Variants in EML5 observed in about 807,000 individuals in gnomAD.
EML5 encodes the protein EMAP like 5.
Under a neutral mutation model 250.0 loss-of-function variants are expected in EML5, and 120 were observed. That is an observed-to-expected ratio of 0.48 (90% CI 0.41 to 0.56). EML5 has a LOEUF of 0.56. Among genes scored for constraint, EML5 ranks in the 20% least tolerant of loss-of-function variants. The probability of loss-of-function intolerance (pLI) is 0.00; values close to 1 mark genes in which losing one functional copy is unlikely to be tolerated. For synonymous variants in EML5, 771 were observed against 806.5 expected (o/e 0.96, Z 0.75); for missense variants, 2,006 against 2,437.6 (o/e 0.82, Z 3.73).
intron 33 of EML5, among the ~76,000 whole-genome samples, chr14:88,630,960 T>G (rs1010548941): frequency 3.3e-5 from 5 of 152,188 alleles, no homozygotes; most frequent in African/African-American, 7.2e-5. Context: ...CTACCCTCCC[T>G]CTTCATTCTT....
intron 8 of EML5, among the ~76,000 whole-genome samples, chr14:88,723,806 T>A (rs2093625846): frequency 6.6e-6 from 1 of 152,234 alleles, no homozygotes; most frequent in Admixed American, 6.5e-5. Context: ...AAAATAATTT[T>A]AAAATTGTTA....
Position 88,618,737 on chromosome 14 carries a change from G to T in EML5, c.5451C>A (p.Gly1817=). The T allele has an allele frequency of 6.2e-7, 1 of 1,607,504 alleles. No homozygotes were observed. Among genetic ancestry groups the T allele is most frequent in the Non-Finnish European group, 8.5e-7 (1 of 1,176,586 alleles). ...AGTAGCTGATTCTGTTAAGAGTGGG[G>T]CCCAGCGTTAGGTCATAAAAATCCA... ...NSVDFYDLTL[G]PTLNRISYCK... The change falls in exon 40 of 44, where the codon GGC becomes GGA. Residue 1817 remains glycine (G), a synonymous_variant. Transcript: ENST00000554922.
At chr14:88,659,078 T>C (rs953598230) in intron 25 of EML5, among the ~76,000 whole-genome samples, 2 of 152,158 alleles carry the variant, frequency 1.3e-5, no homozygotes, top group Non-Finnish European at 2.9e-5. Context: ...GTTTAAGTTA[T>C]TGTTATTATG....
At chr14:88,676,235 G>T (rs2092590752) in intron 21 of EML5, among the ~76,000 whole-genome samples, 1 of 152,208 alleles carries the variant, frequency 6.6e-6, no homozygotes, top group South Asian at 2.1e-4. Flanking sequence ...AAATACCTGA[G>T]ACTAAGCAAT....
At chr14:88,655,007 T>C (rs550737477) in intron 27 of EML5, among the ~76,000 whole-genome samples, 2 of 152,286 alleles carry the variant, frequency 1.3e-5, no homozygotes, top group East Asian at 3.9e-4. Flanking sequence ...TCTTGTTGCA[T>C]TGATCCCTTT....
At chr14:88,669,808 G>A (rs1299548371) in intron 21 of EML5, among the ~76,000 whole-genome samples, 1 of 152,168 alleles carries the variant, frequency 6.6e-6, no homozygotes, top group African/African-American at 2.4e-5. Flanking sequence ...CCCCAACAGG[G>A]GTTGCTAGAC....
intron 14 of EML5, among the ~76,000 whole-genome samples, chr14:88,700,384 GT>G (rs952884132): frequency 2.0e-5 from 3 of 150,180 alleles, no homozygotes; most frequent in South Asian, 2.1e-4. Flanking sequence ...ACAATTATTT[GT>G]TTTTTTTTCT....
intron 32 of EML5, 88 bp from the exon 33 acceptor site, chr14:88,634,577 T>G (rs937461794): frequency 1.3e-6 from 1 of 741,362 alleles, no homozygotes; most frequent in South Asian, 2.9e-5. Flanking sequence ...ATTTAAACTA[T>G]TATATACAAA....
At chr14:88,758,016 CTAAT>C (rs1464659071) in intron 1 of EML5, among the ~76,000 whole-genome samples, 1 of 138,994 alleles carries the variant, frequency 7.2e-6, no homozygotes, top group East Asian at 2.2e-4. Context: ...CCACACCTGT[CTAAT>C]TTTTTTTTTT....
chr14:88,683,323 C>CT (rs2092756934), intron 20 of EML5, among the ~76,000 whole-genome samples: 1 of 152,148 alleles, frequency 6.6e-6, no homozygotes, highest in Non-Finnish European at 1.5e-5. Flanking sequence ...GGAAGTATCC[C>CT]TTTAAAGGAG....
chr14:88,618,432 G>A, intron 40 of EML5, 101 bp from the exon 41 acceptor site: 1 of 1,152,058 alleles, frequency 8.7e-7, no homozygotes, highest in East Asian at 2.5e-5. Flanking sequence ...TGATTTACAT[G>A]TCTAACATTA....
chr14:88,726,434 G>A, intron 8 of EML5, 107 bp downstream of exon 8: 1 of 830,068 alleles, frequency 1.2e-6, no homozygotes, highest in Non-Finnish European at 1.7e-6. Flanking sequence ...AGGATAAATA[G>A]GTAAAAACAA....
At chr14:88,760,862 T>C (rs756929625) in intron 1 of EML5, among the ~76,000 whole-genome samples, 39 of 152,194 alleles carry the variant, frequency 2.6e-4, no homozygotes, top group Non-Finnish European at 4.3e-4. Context: ...GTATATAACA[T>C]AGACCTTGCA....
chr14:88,784,333 C>G (rs1256102298), intron 1 of EML5, among the ~76,000 whole-genome samples: 2 of 146,512 alleles, frequency 1.4e-5, no homozygotes, highest in African/African-American at 2.5e-5. Flanking sequence ...AAAACCAATA[C>G]AAAATTTCAA....
chr14:88,749,854 AG>A (rs1159381140), intron 2 of EML5, among the ~76,000 whole-genome samples: 2 of 152,318 alleles, frequency 1.3e-5, no homozygotes, highest in African/African-American at 4.8e-5. Flanking sequence ...AGTAACTGAA[AG>A]GTCACAGAAG....
At chr14:88,770,516 G>A (rs1042562360) in intron 1 of EML5, among the ~76,000 whole-genome samples, 5 of 152,046 alleles carry the variant, frequency 3.3e-5, no homozygotes, top group African/African-American at 7.2e-5. Context: ...AGATAAGAAC[G>A]TTTCTGAAAC....
At chr14:88,784,392 C>A (rs1428667593) in intron 1 of EML5, among the ~76,000 whole-genome samples, 6 of 149,572 alleles carry the variant, frequency 4.0e-5, no homozygotes, top group African/African-American at 1.5e-4. Flanking sequence ...GATTGACAAA[C>A]CTTTAGCCAC....
chr14:88,723,501 C>T (rs1335997895), intron 8 of EML5, among the ~76,000 whole-genome samples: 1 of 151,980 alleles, frequency 6.6e-6, no homozygotes, highest in Non-Finnish European at 1.5e-5. Flanking sequence ...TCAGTTAGAA[C>T]GAGTTAGTAA....
At chr14:88,735,103 T>C (rs1292481855) in intron 7 of EML5, among the ~76,000 whole-genome samples, 2 of 152,062 alleles carry the variant, frequency 1.3e-5, no homozygotes, top group Non-Finnish European at 2.9e-5. Flanking sequence ...CAAACTGGGG[T>C]AAACAAATCT....
Sources: gnomAD v4.1 joint callset for allele counts (sites outside exome capture counted in the v4.1 genomes callset) on GRCh38, gnomAD v4.1.1 for gene constraint, MANE v1.5 for transcripts, NCBI Gene and HGNC (gene_info 2026-07-23, HGNC 2026-07-21) for gene names.